Variants in H1-5 observed in about 807,000 individuals in gnomAD.
H1-5 encodes H1.5 linker histone, cluster member, also known as histone H1.5.
In H1-5, 3 loss-of-function variants were observed where a neutral mutation model predicts 4.6. The ratio of observed to expected loss-of-function variants is 0.65; its 90% CI spans 0.30 to 1.68. The LOEUF (loss-of-function observed/expected upper bound fraction) is 1.68, where lower values mean the gene tolerates loss of function less well. Ranked by LOEUF, H1-5 falls within the 40% of genes most tolerant of loss-of-function variation. The pLI is 0.10. For synonymous variants in H1-5, 250 were observed against 123.4 expected (o/e 2.03, Z -6.80); for missense variants, 521 against 287.9 (o/e 1.81, Z -5.86).
At position 27,866,973 on chromosome 6, in the gene H1-5, G is replaced by A; in HGVS notation, c.557C>T (p.Ala186Val). The change falls in exon 1 of 1, where the codon GCA (alanine) becomes GTA (valine). Residue 186 changes from alanine to valine, a missense_variant. Ala to Val is a moderately conservative substitution (Grantham distance 64). Coordinates refer to ENST00000331442, the MANE Select transcript of H1-5 (RefSeq NM_005322.3). ...KAKAAAKPKK[A>V]TKSPAKPKAV... ...CTTGGGCTTGGCAGGACTCTTGGTT[G>A]CCTTTTTCGGTTTGGCAGCGGCCTT... 6.2e-7 allele frequency: 1 copy of A among 1,614,206 alleles called. No individual in the cohort carries two copies.
chr6:27,867,018 GC>G lies in H1-5; in HGVS notation c.511del (p.Ala171ArgfsTer?). Reference protein sequence around the residue: ...KPAAAGVKKVAKSPKKAKAAA... With the variant: ...KPAAAGVKKVXKSPKKAKAAA... The stretch of plus-strand genomic sequence containing the variant: ...GGCCTTGGCCTTCTTAGGGCTCTTC[GC>G]CACCTTTTTGACGCCAGCCGCCGCG... On this transcript the variant is annotated frameshift_variant, in exon 1 of 1. Coordinates refer to ENST00000331442, the MANE Select transcript of H1-5 (RefSeq NM_005322.3). LOFTEE classifies it low-confidence loss of function (END_TRUNC). 6.2e-7 allele frequency: 1 copy of G among 1,614,088 alleles called. No homozygotes were observed. The highest frequency in any genetic ancestry group is 8.5e-7 in the Non-Finnish European group (1 of 1,180,026).
At position 27,867,511 on chromosome 6, in the gene H1-5, C is replaced by A. The variant is rs1009982175; in HGVS notation, c.19G>T (p.Ala7Ser). Reference sequence around the variant, plus strand: ...ACCGGCGCTGGGGTGGCTGTCTCGGCAGGAGCGGTTTCCGACATGGTGGCA... The same window carrying A: ...ACCGGCGCTGGGGTGGCTGTCTCGGAAGGAGCGGTTTCCGACATGGTGGCA... MSETAP[A>S]ETATPAPVEK... is the part of the protein sequence containing the mutation. The change falls in exon 1 of 1, where the codon GCC (alanine) becomes TCC (serine). Residue 7 changes from alanine to serine, a missense_variant. Ala to Ser is a moderately conservative substitution (Grantham distance 99). Coordinates refer to ENST00000331442, the MANE Select transcript of H1-5 (RefSeq NM_005322.3). 3.2e-6 allele frequency: 5 copies of A among 1,551,650 alleles called. No individual in the cohort carries two copies. The highest frequency in any genetic ancestry group is 4.3e-6 in the Non-Finnish European group (5 of 1,154,898).
In H1-5 at chr6:27,867,054, G is replaced by T. The variant is rs753493023; in HGVS notation, c.476C>A (p.Ala159Glu). ...KKAVKKTPKKAKKPAAAGVKK... is the reference protein window; with the variant it reads ...KKAVKKTPKKEKKPAAAGVKK... Reference sequence around the variant, plus strand: ...GACGCCAGCCGCCGCGGGCTTCTTCGCCTTCTTCGGAGTCTTCTTCACTGC... The same window carrying T: ...GACGCCAGCCGCCGCGGGCTTCTTCTCCTTCTTCGGAGTCTTCTTCACTGC... The change falls in exon 1 of 1, where the codon GCG becomes GAG. Residue 159 changes from alanine to glutamate, a missense_variant. By Grantham distance (107) the Ala-to-Glu change is moderately radical. Transcript: ENST00000331442. 1 of 1,613,792 alleles carries T rather than the reference G, an allele frequency of 6.2e-7. No individual in the cohort carries two copies. The highest frequency in any genetic ancestry group is 2.2e-5 in the East Asian group (1 of 44,862).
chr6:27,867,189 GCCT>G lies in H1-5; in HGVS notation c.338_340del (p.Lys113_Ala114delinsThr), dbSNP rs1761532394. The G allele has an allele frequency of 1.2e-6, 2 of 1,614,206 alleles. No individual in the cohort carries two copies. Among genetic ancestry groups the G allele is most frequent in the South Asian group, 2.2e-5 (2 of 91,090 alleles). ...TTTGGGCTTGGCTTCCCCGGAGGCC[GCCT>G]TCTTGTTGAGTTTAAAGGAGCCAGA... On this transcript the variant is annotated inframe_deletion, in exon 1 of 1. Coordinates refer to ENST00000331442, the MANE Select transcript of H1-5 (RefSeq NM_005322.3).
rs754859751 is a variant in H1-5 at position 27,867,278 on chromosome 6, C to G, written c.252G>C (p.Lys84Asn). 1 of 1,614,256 alleles carries G rather than the reference C, an allele frequency of 6.2e-7. No individual in the cohort carries two copies. The part of the protein sequence containing the change: ...YDVEKNNSRI[K>N]LGLKSLVSKG... ...TGCTCACCAAGCTCTTGAGGCCCAG[C>G]TTAATGCGGCTGTTATTCTTCTCCA... The change falls in exon 1 of 1, where the codon AAG (lysine) becomes AAC (asparagine). Residue 84 changes from lysine to asparagine, a missense_variant. By Grantham distance (94) the Lys-to-Asn change is moderately conservative. Coordinates refer to ENST00000331442, the MANE Select transcript of H1-5 (RefSeq NM_005322.3).
rs61737311 is a variant in H1-5 at position 27,867,219 on chromosome 6, G to A, written c.311C>T (p.Ala104Val). 2.5e-6 allele frequency: 4 copies of A among 1,614,234 alleles called. No homozygotes were observed. The Admixed American group carries it at 5.0e-5, about 20-fold the overall frequency. The change falls in exon 1 of 1, where the codon GCT becomes GTT. Residue 104 changes from alanine to valine, a missense_variant. Physicochemically the swap from Ala to Val is moderately conservative, Grantham distance 64 (BLOSUM62 0). Coordinates refer to ENST00000331442, the MANE Select transcript of H1-5 (RefSeq NM_005322.3). ...CTTGTTGAGTTTAAAGGAGCCAGAA[G>A]CACCAGTGCCCTTGGTCTGCACCAG... ...GTLVQTKGTG[A>V]SGSFKLNKKA...
In H1-5 at chr6:27,867,540, A is replaced by G. The variant is rs747596169; in HGVS notation, c.-11T>C. 1 of 1,533,680 alleles carries G rather than the reference A, an allele frequency of 6.5e-7. No individual in the cohort carries two copies. Among genetic ancestry groups the G allele is most frequent in the South Asian group, 1.3e-5 (1 of 76,420 alleles). The stretch of plus-strand genomic sequence containing the variant: ...AGCGGTTTCCGACATGGTGGCAAGA[A>G]ACTGCTAGAAGAGAATAAGCTCGAA... On this transcript the variant is annotated 5_prime_UTR_variant, in exon 1 of 1. Transcript: ENST00000331442.
chr6:27,866,854 T>TC lies in H1-5; in HGVS notation c.675dup (p.Lys226GlufsTer?). On this transcript the variant is annotated frameshift_variant, in exon 1 of 1. Coordinates refer to ENST00000331442, the MANE Select transcript of H1-5 (RefSeq NM_005322.3). LOFTEE classifies it high-confidence loss of function. ...GGTTTTCACACGCCAGCTTCCTACT[T>TC]CTTTTTGGCAGCCGCCTTCTTGGCC... 6.3e-7 allele frequency: 1 copy of TC among 1,590,228 alleles called. No homozygotes were observed.
Position 27,867,233 on chromosome 6 carries a change from G to T in H1-5, c.297C>A (p.Thr99=). Residue 99 remains threonine, a synonymous_variant, in exon 1 of 1, where the codon ACC becomes ACA. Coordinates refer to ENST00000331442, the MANE Select transcript of H1-5 (RefSeq NM_005322.3). ...SLVSKGTLVQ[T]KGTGASGSFK... is the part of the protein sequence containing the mutation. ...AGGAGCCAGAAGCACCAGTGCCCTT[G>T]GTCTGCACCAGGGTGCCCTTGCTCA... 1 of 1,614,238 alleles carries T rather than the reference G, an allele frequency of 6.2e-7. No homozygotes were observed. Among genetic ancestry groups the T allele is most frequent in the Non-Finnish European group, 8.5e-7 (1 of 1,180,030 alleles).
At position 27,867,369 on chromosome 6, in the gene H1-5, G is replaced by A. The variant is rs781237661; in HGVS notation, c.161C>T (p.Ser54Phe). ...CAAAGAAAGGCCATTGCGCTCCTTAGAAGCAGCCACAGCCTTGGTGATCAG... is the reference window on the plus strand; with the variant it reads ...CAAAGAAAGGCCATTGCGCTCCTTAAAAGCAGCCACAGCCTTGGTGATCAG... ...SELITKAVAA[S>F]KERNGLSLAA... The change falls in exon 1 of 1, where the codon TCT (serine) becomes TTT (phenylalanine). Residue 54 changes from serine to phenylalanine, a missense_variant. Coordinates refer to ENST00000331442, the MANE Select transcript of H1-5 (RefSeq NM_005322.3). 1.9e-6 allele frequency: 3 copies of A among 1,614,168 alleles called. No homozygotes were observed. The highest frequency in any genetic ancestry group is 4.5e-5 in the East Asian group (2 of 44,900).
chr6:27,867,068 C>G lies in H1-5; in HGVS notation c.462G>C (p.Lys154Asn). Reference sequence around the variant, plus strand: ...CGGGCTTCTTCGCCTTCTTCGGAGTCTTCTTCACTGCCTTTTTCGCCCCTG... The same window carrying G: ...CGGGCTTCTTCGCCTTCTTCGGAGTGTTCTTCACTGCCTTTTTCGCCCCTG... ...KAAGAKKAVK[K>N]TPKKAKKPAA... Residue 154 changes from lysine (K) to asparagine (N), a missense_variant, in exon 1 of 1, where the codon AAG becomes AAC. Transcript: ENST00000331442. 6.2e-7 allele frequency: 1 copy of G among 1,613,612 alleles called. No individual in the cohort carries two copies. Among genetic ancestry groups the G allele is most frequent in the African/African-American group, 1.3e-5 (1 of 74,930 alleles).
At position 27,867,345 on chromosome 6, in the gene H1-5, A is replaced by G. The variant is rs1328373426; in HGVS notation, c.185T>C (p.Leu62Ser). 2 of 1,614,130 alleles carry G rather than the reference A, an allele frequency of 1.2e-6. No homozygotes were observed. Among genetic ancestry groups the G allele is most frequent in the African/African-American group, 1.3e-5 (1 of 74,952 alleles). Residue 62 changes from leucine (L) to serine (S), a missense_variant, in exon 1 of 1, where the codon TTG (leucine) becomes TCG (serine). Physicochemically the swap from Leu to Ser is moderately radical, Grantham distance 145 (BLOSUM62 -2). Coordinates refer to ENST00000331442, the MANE Select transcript of H1-5 (RefSeq NM_005322.3). ...AASKERNGLS[L>S]AALKKALAAG... ...CGCTAAGGCCTTCTTAAGGGCTGCC[A>G]AAGAAAGGCCATTGCGCTCCTTAGA...
In H1-5 at chr6:27,867,416, C is replaced by T. The variant is rs756173269; in HGVS notation, c.114G>A (p.Ala38=). ...TCAGCTCTGAGACTGGGGGCCCCGT[C>T]GCTTTGCGCTTAGCAGCGCCGGCGC... ...AAGAGAAKRK[A]TGPPVSELIT... is the part of the protein sequence containing the mutation. Residue 38 remains alanine (A), a synonymous_variant, in exon 1 of 1, where the codon GCG becomes GCA. Coordinates refer to ENST00000331442, the MANE Select transcript of H1-5 (RefSeq NM_005322.3). 21 of 1,613,550 alleles carry T rather than the reference C, an allele frequency of 1.3e-5. No homozygotes were observed. Among genetic ancestry groups the T allele is most frequent in the East Asian group, 2.2e-5 (1 of 44,884 alleles).
At position 27,867,095 on chromosome 6, in the gene H1-5, A is replaced by AGCCTTCTTG. The variant is rs745310887; in HGVS notation, c.426_434dup (p.Lys143_Ala145dup). 6.2e-7 allele frequency: 1 copy of AGCCTTCTTG among 1,613,732 alleles called. No individual in the cohort carries two copies. Among genetic ancestry groups the AGCCTTCTTG allele is most frequent in the Non-Finnish European group, 8.5e-7 (1 of 1,179,840 alleles). On this transcript the variant is annotated inframe_insertion, in exon 1 of 1. Coordinates refer to ENST00000331442, the MANE Select transcript of H1-5 (RefSeq NM_005322.3). ...TCTTCACTGCCTTTTTCGCCCCTGC[A>AGCCTTCTTG]GCCTTCTTGGCCTTCTTAGGCGTGG... is the stretch of plus-strand genomic sequence containing the variant.
rs201699994 is a variant in H1-5 at position 27,867,338 on chromosome 6, G to A, written c.192C>T (p.Ala64=). The part of the protein sequence containing the change: ...SKERNGLSLA[A]LKKALAAGGY... ...CACCGGCCGCTAAGGCCTTCTTAAG[G>A]GCTGCCAAAGAAAGGCCATTGCGCT... Residue 64 remains alanine (A), a synonymous_variant, in exon 1 of 1, where the codon GCC becomes GCT. Coordinates refer to ENST00000331442, the MANE Select transcript of H1-5 (RefSeq NM_005322.3). 4 of 1,614,238 alleles carry A rather than the reference G, an allele frequency of 2.5e-6. No individual in the cohort carries two copies. The highest frequency in any genetic ancestry group is 3.4e-6 in the Non-Finnish European group (4 of 1,180,044).
Position 27,867,509 on chromosome 6 carries a change from G to T in H1-5, c.21C>A (p.Ala7=). 6.4e-7 allele frequency: 1 copy of T among 1,551,998 alleles called. No individual in the cohort carries two copies. Among genetic ancestry groups the T allele is most frequent in the Middle Eastern group, 1.7e-4 (1 of 5,720 alleles). ...CCACCGGCGCTGGGGTGGCTGTCTC[G>T]GCAGGAGCGGTTTCCGACATGGTGG... MSETAP[A]ETATPAPVEK... is the part of the protein sequence containing the mutation. Residue 7 remains alanine (A), a synonymous_variant, in exon 1 of 1, where the codon GCC becomes GCA. Coordinates refer to ENST00000331442, the MANE Select transcript of H1-5 (RefSeq NM_005322.3).
rs754356890 is a variant in H1-5, at chr6:27,867,459, G to C, written c.71C>G (p.Ala24Gly). ...GCCGGCGCCGGCAGCCTTCTTAGTT[G>C]CCTTCTTCTTAGCCGGGGATTTCTC... ...PVEKSPAKKK[A>G]TKKAAGAGAA... The change falls in exon 1 of 1, where the codon GCA (alanine) becomes GGA (glycine). Residue 24 changes from alanine to glycine, a missense_variant. Physicochemically the swap from Ala to Gly is moderately conservative, Grantham distance 60. Coordinates refer to ENST00000331442, the MANE Select transcript of H1-5 (RefSeq NM_005322.3). 14 of 1,601,266 alleles carry C rather than the reference G, an allele frequency of 8.7e-6. No homozygotes were observed. The East Asian group carries it at 3.1e-4, about 36-fold the overall frequency.
rs757437247 is a variant in H1-5, at chr6:27,866,837, C to G, written c.*12G>C. The stretch of plus-strand genomic sequence containing the variant: ...CTTTGGGGCTTTGTTGCGGTTTTCA[C>G]ACGCCAGCTTCCTACTTCTTTTTGG... On this transcript the variant is annotated 3_prime_UTR_variant, in exon 1 of 1. Coordinates refer to ENST00000331442, the MANE Select transcript of H1-5 (RefSeq NM_005322.3). 26 of 1,574,078 alleles carry G rather than the reference C, an allele frequency of 1.7e-5. No individual in the cohort carries two copies. The African/African-American group carries it at 2.3e-4, about 14-fold the overall frequency.
Position 27,866,878 on chromosome 6 carries a change from C to G in H1-5, c.652G>C (p.Ala218Pro), listed in dbSNP as rs1332284034. 6.2e-7 allele frequency: 1 copy of G among 1,600,552 alleles called. No individual in the cohort carries two copies. Among genetic ancestry groups the G allele is most frequent in the South Asian group, 1.1e-5 (1 of 88,440 alleles). Residue 218 changes from alanine to proline, a missense_variant, in exon 1 of 1, where the codon GCC (alanine) becomes CCC (proline). By Grantham distance (27) the Ala-to-Pro change is conservative. Coordinates refer to ENST00000331442, the MANE Select transcript of H1-5 (RefSeq NM_005322.3). ...PKAAKPKAAKAKKAAAKKK is the reference protein window; with the variant it reads ...PKAAKPKAAKPKKAAAKKK ...TTCTTTTTGGCAGCCGCCTTCTTGG[C>G]CTTTGCAGCTTTAGGTTTTGCTGCT...
Sources: gnomAD v4.1 joint callset for allele counts on GRCh38, gnomAD v4.1.1 for gene constraint, MANE v1.5 for transcripts, NCBI Gene and HGNC (gene_info 2026-07-23, HGNC 2026-07-21) for gene names.